EIF2B3: variants seen among roughly 807,000 people sequenced by gnomAD.
EIF2B3 encodes eukaryotic translation initiation factor 2B subunit gamma.
Under a neutral mutation model 54.1 loss-of-function variants are expected in EIF2B3, and 20 were observed. The observed-to-expected ratio is 0.37, with a 90% CI of 0.26 to 0.54. EIF2B3 has a LOEUF of 0.54. EIF2B3 is among the 20% of genes least tolerant of loss of function. The pLI is 0.86. For missense variants in EIF2B3, 448 were observed against 547.8 expected (o/e 0.82, Z 1.82); for synonymous variants, 153 against 188.1 (o/e 0.81, Z 1.52).
chr1:44,966,523 G>A (rs960957068), intron 3 of EIF2B3, among the ~76,000 whole-genome samples: 2 of 150,756 alleles, frequency 1.3e-5, no homozygotes, highest in Admixed American at 6.6e-5. Flanking sequence ...GCAGGACAAA[G>A]ACAATCCAAG....
At chr1:44,866,887 A>G (rs1654802138) in intron 10 of EIF2B3, among the ~76,000 whole-genome samples, 1 of 152,192 alleles carries the variant, frequency 6.6e-6, no homozygotes, top group Admixed American at 6.5e-5. Flanking sequence ...TGCATGGAAG[A>G]GTTGGAATAT....
intron 1 of EIF2B3, among the ~76,000 whole-genome samples, chr1:44,985,097 C>T (rs1435965106): frequency 2.0e-5 from 3 of 152,090 alleles, no homozygotes; most frequent in East Asian, 3.9e-4. Context: ...TGAGCCACCG[C>T]GCCCGGCCAA....
At chr1:44,888,167 T>G (rs1006486721) in intron 6 of EIF2B3, among the ~76,000 whole-genome samples, 1 of 152,202 alleles carries the variant, frequency 6.6e-6, no homozygotes, top group African/African-American at 2.4e-5. Context: ...GCCTTGCCAG[T>G]TCAATATTGG....
At position 44,965,950 on chromosome 1, in the gene EIF2B3, A is replaced by G. The variant is rs910144366; in HGVS notation, c.294+12365T>C. On this transcript the variant is annotated intron_variant, in intron 3 of 11. Coordinates refer to ENST00000360403, the MANE Select transcript of EIF2B3 (RefSeq NM_020365.5). ...CCACCATGCCTGGCCAAAAGTGTATACCATATTCTTACTTCTCTCCTAGAC... is the reference window on the plus strand; with the variant it reads ...CCACCATGCCTGGCCAAAAGTGTATGCCATATTCTTACTTCTCTCCTAGAC... Among the ~76,000 whole-genome samples, 8 of 152,058 alleles carry G rather than the reference A, an allele frequency of 5.3e-5. No individual in the cohort carries two copies. In the South Asian group the frequency reaches 6.2e-4, roughly 12 times the overall value.
At chr1:44,885,692 T>G (rs192029551) in intron 6 of EIF2B3, among the ~76,000 whole-genome samples, 1 of 151,912 alleles carries the variant, frequency 6.6e-6, no homozygotes, top group African/African-American at 2.4e-5. Context: ...TATTCAACAA[T>G]GATAGATCAA....
At chr1:44,941,386 TC>T in intron 4 of EIF2B3, 119 bp downstream of exon 4, 1 of 1,216,198 alleles carries the variant, frequency 8.2e-7, no homozygotes, top group Non-Finnish European at 1.1e-6. Flanking sequence ...TGTCATCAAC[TC>T]CTAGCACAGA....
intron 6 of EIF2B3, among the ~76,000 whole-genome samples, chr1:44,882,618 AT>A (rs747962035): frequency 4.2e-3 from 534 of 126,492 alleles, no homozygotes; most frequent in Middle Eastern, 4.4e-3. Context: ...TGCCTGGCTA[AT>A]TTTTTTTTTT....
At position 44,879,913 on chromosome 1, in the gene EIF2B3, A is replaced by T. The variant is rs565005625; in HGVS notation, c.880T>A (p.Ser294Thr). 4 of 1,614,098 alleles carry T rather than the reference A, an allele frequency of 2.5e-6. No homozygotes were observed. In the South Asian group the frequency reaches 4.4e-5, roughly 18 times the overall value. ...ACRGDRWEDL[S>T]RSQVRCYVHI... is the part of the protein sequence containing the mutation. ...ACATAGCAGCGCACCTGTGATCTGG[A>T]CAAGTCTTCCCACCTGTCTCCTCGA... Residue 294 changes from serine (S) to threonine (T), a missense_variant, in exon 8 of 12, where the codon TCC (serine) becomes ACC (threonine). Physicochemically the swap from Ser to Thr is moderately conservative, Grantham distance 58 (BLOSUM62 1). Around this residue, in one of 3 missense-constraint regions of EIF2B3, gnomAD observed 350 missense variants for 414.2 expected, o/e 0.85. Transcript: ENST00000360403.
chr1:44,888,428 G>T (rs535044238), intron 6 of EIF2B3, among the ~76,000 whole-genome samples: 78 of 151,926 alleles, frequency 5.1e-4, no homozygotes, highest in Middle Eastern at 6.8e-3. Context: ...GGACATGCCG[G>T]CAAAGGGGTA....
At chr1:44,873,567 G>C (rs1655028675) in intron 10 of EIF2B3, among the ~76,000 whole-genome samples, 1 of 152,048 alleles carries the variant, frequency 6.6e-6, no homozygotes. Context: ...GCAAACTATG[G>C]TCTTTTCATT....
intron 3 of EIF2B3, among the ~76,000 whole-genome samples, chr1:44,965,598 C>A (rs1644328376): frequency 6.8e-6 from 1 of 146,780 alleles, no homozygotes; most frequent in South Asian, 2.2e-4. Context: ...ATACAATAGT[C>A]AAAAAGGCCT....
At chr1:44,957,593 T>G (rs1312218626) in intron 3 of EIF2B3, among the ~76,000 whole-genome samples, 1 of 151,876 alleles carries the variant, frequency 6.6e-6, no homozygotes, top group African/African-American at 2.4e-5. Context: ...AAACCTGGTC[T>G]CTACTAAAAA....
intron 6 of EIF2B3, among the ~76,000 whole-genome samples, chr1:44,895,160 G>A (rs1429826587): frequency 6.6e-6 from 1 of 152,204 alleles, no homozygotes. Context: ...TTGAGGTGGG[G>A]AAACAGTATG....
intron 5 of EIF2B3, among the ~76,000 whole-genome samples, chr1:44,913,331 C>A (rs938446494): frequency 6.6e-6 from 1 of 151,994 alleles, no homozygotes; most frequent in African/African-American, 2.4e-5. Context: ...ACCCTTACTT[C>A]TTTCTTCGCA....
chr1:44,876,695 T>C (rs1475367548), intron 8 of EIF2B3, among the ~76,000 whole-genome samples: 1 of 136,484 alleles, frequency 7.3e-6, no homozygotes. Context: ...CTGGGAGGTG[T>C]ACCCAACAGC....
chr1:44,951,756 T>A (rs1364249503), intron 3 of EIF2B3, among the ~76,000 whole-genome samples: 2 of 151,334 alleles, frequency 1.3e-5, no homozygotes, highest in African/African-American at 2.4e-5. Context: ...TATATTCTCA[T>A]CCTTCCTTAA....
At chr1:44,893,969 A>G (rs982477432) in intron 6 of EIF2B3, among the ~76,000 whole-genome samples, 1 of 152,218 alleles carries the variant, frequency 6.6e-6, no homozygotes, top group Non-Finnish European at 1.5e-5. Context: ...GCATATTGGC[A>G]TATTGCTTGA....
chr1:44,973,289 G>A (rs528188431), intron 3 of EIF2B3, among the ~76,000 whole-genome samples: 5 of 152,186 alleles, frequency 3.3e-5, no homozygotes, highest in Non-Finnish European at 7.3e-5. Flanking sequence ...AAAATGTGGA[G>A]GCAACCCAAG....
intron 3 of EIF2B3, among the ~76,000 whole-genome samples, chr1:44,967,165 G>A (rs1414189069): frequency 2.6e-5 from 4 of 151,484 alleles, no homozygotes; most frequent in Non-Finnish European, 5.9e-5. Context: ...TGATAAATGT[G>A]GCTGGGCGTG....
Sources: gnomAD v4.1 joint callset for allele counts (sites outside exome capture counted in the v4.1 genomes callset) on GRCh38, gnomAD v4.1.1 for gene constraint, gnomAD v4.1.1 regional missense constraint, MANE v1.5 for transcripts, NCBI Gene and HGNC (gene_info 2026-07-23, HGNC 2026-07-21) for gene names.